VPS13C: variants seen among roughly 807,000 people sequenced by gnomAD.
The protein encoded by VPS13C is vacuolar protein sorting 13 homolog C.
VPS13C carries 358 observed loss-of-function variants against 456.8 expected under a neutral mutation model. The observed-to-expected ratio is 0.78, with a 90% CI of 0.72 to 0.86. VPS13C has a LOEUF of 0.86. VPS13C is among the 40% of genes least tolerant of loss of function. The pLI is 0.00. For synonymous variants in VPS13C, 1,578 were observed against 1,486.7 expected, an observed-to-expected ratio of 1.06 and a Z score of -1.41; for missense variants, 4,818 against 4,385.4, an observed-to-expected ratio of 1.10 and a Z score of -2.79.
At chr15:61,891,267 A>G (rs189145494) in intron 66 of VPS13C, among the ~76,000 whole-genome samples, 153 of 152,334 alleles carry the variant, frequency 1.0e-3, no homozygotes, top group Non-Finnish European at 1.9e-3. Flanking sequence ...GTTCATTTCA[A>G]TAAGCAGTAC....
intron 66 of VPS13C, among the ~76,000 whole-genome samples, chr15:61,902,869 AG>A (rs776078179): frequency 1.1e-4 from 16 of 140,422 alleles, no homozygotes; most frequent in Non-Finnish European, 2.2e-4. Flanking sequence ...AAAGAAAAAA[AG>A]GGCATCCAAA....
At position 61,921,989 on chromosome 15, in the gene VPS13C, A is replaced by G; in HGVS notation, c.7020T>C (p.Ile2340=). 1 of 1,613,606 alleles carries G rather than the reference A, an allele frequency of 6.2e-7. No homozygotes were observed. Residue 2340 remains isoleucine, a synonymous_variant, in exon 55 of 85, where the codon ATT becomes ATC. Coordinates refer to ENST00000644861, the MANE Select transcript of VPS13C (RefSeq NM_020821.3). ...NEIHAVWEPL[I]ERVEGKRQWN... is the part of the protein sequence containing the mutation. ...ATTGTCTCTTCCCCTCCACTCTCTC[A>G]ATCAGTGGCTCCCAGACAGCATGGA...
chr15:62,043,598 T>C (rs774225409), intron 2 of VPS13C, among the ~76,000 whole-genome samples: 1 of 152,074 alleles, frequency 6.6e-6, no homozygotes, highest in Non-Finnish European at 1.5e-5. Flanking sequence ...AGAGTGAGAC[T>C]GTATCTCAAA....
rs1894708627 is a variant in VPS13C at position 61,867,964 on chromosome 15, AC to A, written c.10863+694del. 1 of 1,530,060 alleles carries A rather than the reference AC, an allele frequency of 6.5e-7. No individual in the cohort carries two copies. Among genetic ancestry groups the A allele is most frequent in the East Asian group, 2.3e-5 (1 of 44,228 alleles). 94.8% of individuals were successfully genotyped at this position (1,530,060 alleles called of 1,614,324 possible). A position where few individuals can be genotyped will look rare whatever the true frequency, so the allele number is the denominator to read the frequency against. ...CAGTTCTTGCTGTGCAGGCAGAAAA[AC>A]AAAGAAAATAAAGTTAGAAGCATGC... is the stretch of plus-strand genomic sequence containing the variant. On this transcript the variant is annotated intron_variant, in intron 81 of 84. Transcript: ENST00000644861. This position sits in a 1 kb window ranked among gnomAD's most constrained non-coding sequence, Gnocchi z 5.0.
chr15:62,019,496 T>A (rs2047378848), intron 9 of VPS13C, among the ~76,000 whole-genome samples: 1 of 152,168 alleles, frequency 6.6e-6, no homozygotes, highest in Admixed American at 6.5e-5. Flanking sequence ...GTGTCTTTGT[T>A]CTCGTTGGTT....
intron 52 of VPS13C, among the ~76,000 whole-genome samples, chr15:61,926,315 AC>A (rs1434692593): frequency 1.3e-5 from 2 of 152,196 alleles, no homozygotes; most frequent in Non-Finnish European, 2.9e-5. Flanking sequence ...CAGAAGGATT[AC>A]TTGAGCCCAG....
intron 80 of VPS13C, 61 bp from the exon 81 acceptor site, chr15:61,868,834 GTGT>G: frequency 1.0e-5 from 13 of 1,296,184 alleles, no homozygotes; most frequent in Non-Finnish European, 1.4e-5. Context: ...AATAATGTGT[GTGT>G]TGATTAAATA....
In VPS13C at chr15:62,028,400, T is replaced by C; in HGVS notation, c.406A>G (p.Ile136Val). ...AEKGTHSGEF[I>V]YGLENFVYKD... Reference sequence around the variant, plus strand: ...TAAACAAAGTTCTCCAAGCCATATATGAACTCCCCTGAATGTGTGCCTGCA... The same window carrying C: ...TAAACAAAGTTCTCCAAGCCATATACGAACTCCCCTGAATGTGTGCCTGCA... Residue 136 changes from isoleucine (I) to valine (V), a missense_variant, in exon 6 of 85, where the codon ATA (isoleucine) becomes GTA (valine). Physicochemically the swap from Ile to Val is conservative, Grantham distance 29. Coordinates refer to ENST00000644861, the MANE Select transcript of VPS13C (RefSeq NM_020821.3). 6.2e-7 allele frequency: 1 copy of C among 1,613,092 alleles called. No homozygotes were observed. Among genetic ancestry groups the C allele is most frequent in the Non-Finnish European group, 8.5e-7 (1 of 1,179,294 alleles).
At chr15:61,963,560 A>G (rs1020814329) in intron 32 of VPS13C, among the ~76,000 whole-genome samples, 2 of 152,120 alleles carry the variant, frequency 1.3e-5, no homozygotes, top group African/African-American at 4.8e-5. Context: ...TAGCCCATCA[A>G]TAGCATTCCT....
At chr15:61,946,453 A>C in intron 43 of VPS13C, 43 bp from the exon 44 acceptor site, 1 of 1,420,624 alleles carries the variant, frequency 7.0e-7, no homozygotes, top group Non-Finnish European at 9.7e-7. Flanking sequence ...CCCAATCCAC[A>C]TGACTAAGCC....
In VPS13C at chr15:62,053,671, G is replaced by T. The variant is rs145285268; in HGVS notation, c.100+6604C>A. ...ACAGATAAGCAACCAATGGTCACTT[G>T]TCAGAGACATGCCAAAAGCCACACA... On this transcript the variant is annotated intron_variant, in intron 1 of 84. Transcript: ENST00000644861. Among the ~76,000 whole-genome samples the T allele has an allele frequency of 5.3e-3, 801 of 152,298 alleles. 14 individuals carry two copies. Among genetic ancestry groups the T allele is most frequent in the East Asian group, 0.018 (91 of 5,192 alleles).
At chr15:61,884,414 G>T in intron 67 of VPS13C, 145 bp from the exon 68 acceptor site, 1 of 828,946 alleles carries the variant, frequency 1.2e-6, no homozygotes, top group Non-Finnish European at 1.8e-6. Flanking sequence ...AACTATACCT[G>T]TGTTGCAAGA....
At chr15:62,022,987 TAA>T (rs1296955773) in intron 8 of VPS13C, among the ~76,000 whole-genome samples, 1 of 151,946 alleles carries the variant, frequency 6.6e-6, no homozygotes, top group African/African-American at 2.4e-5. Context: ...CAGTGGTATG[TAA>T]AGAGAATGAG....
rs780920006 is a variant in VPS13C, at chr15:61,940,646, C to G, written c.5601+1G>C. On this transcript the variant is annotated splice_donor_variant, in intron 47 of 84. Coordinates refer to ENST00000644861, the MANE Select transcript of VPS13C (RefSeq NM_020821.3). LOFTEE classifies it high-confidence loss of function. ...TCATATATTATATACTAGCTACTTA[C>G]CTGCATAGGTTTTAGTTTTCCTTTT... The G allele has an allele frequency of 4.3e-6, 7 of 1,612,132 alleles. No homozygotes were observed. Among genetic ancestry groups the G allele is most frequent in the Non-Finnish European group, 5.9e-6 (7 of 1,179,358 alleles).
At chr15:62,059,589 G>T (rs985288051) in intron 1 of VPS13C, among the ~76,000 whole-genome samples, 1 of 152,168 alleles carries the variant, frequency 6.6e-6, no homozygotes, top group Non-Finnish European at 1.5e-5. Context: ...AATTAATGAC[G>T]ATGCTGGTCG....
intron 9 of VPS13C, among the ~76,000 whole-genome samples, chr15:62,016,679 C>T (rs2047263197): frequency 6.6e-6 from 1 of 152,090 alleles, no homozygotes; most frequent in East Asian, 1.9e-4. Context: ...CACTGTTGGA[C>T]ACTTGGGTTG....
chr15:61,984,787 G>A (rs920282000), intron 19 of VPS13C, 70 bp downstream of exon 19: 1 of 1,485,560 alleles, frequency 6.7e-7, no homozygotes, highest in Non-Finnish European at 9.2e-7. Flanking sequence ...TTTTAAACCT[G>A]AATAACACAC....
intron 67 of VPS13C, among the ~76,000 whole-genome samples, chr15:61,886,339 A>G (rs1896269311): frequency 6.6e-6 from 1 of 152,152 alleles, no homozygotes; most frequent in South Asian, 2.1e-4. Flanking sequence ...TACTGTCAAC[A>G]TATATTGCAT....
chr15:61,896,515 C>CT (rs2042819013), intron 66 of VPS13C, among the ~76,000 whole-genome samples: 1 of 152,220 alleles, frequency 6.6e-6, no homozygotes. Flanking sequence ...AATCGGGTCA[C>CT]TCCCACCTGA....
Sources: allele counts gnomAD v4.1 joint callset (sites outside exome capture counted in the v4.1 genomes callset), GRCh38; gene constraint gnomAD v4.1.1; non-coding constraint Gnocchi (gnomAD v3.1); transcripts MANE v1.5; gene names NCBI Gene and HGNC (gene_info 2026-07-23, HGNC 2026-07-21).